Variants in CRYBG1 observed in about 807,000 individuals in gnomAD.
CRYBG1 encodes beta/gamma crystallin domain-containing protein 1.
A neutral mutation model predicts 189.2 loss-of-function variants in CRYBG1; 139 were observed. The ratio of observed to expected loss-of-function variants is 0.73; its 90% CI spans 0.64 to 0.85. The LOEUF (loss-of-function observed/expected upper bound fraction) is 0.85. Among genes scored for constraint, CRYBG1 ranks in the 40% least tolerant of loss-of-function variants. CRYBG1 has a pLI of 0.00. For synonymous variants in CRYBG1, 1,023 were observed against 1,017.1 expected (o/e 1.01, Z -0.11); for missense variants, 2,611 against 2,675.8 (o/e 0.98, Z 0.53).
intron 1 of CRYBG1, among the ~76,000 whole-genome samples, chr6:106,408,374 G>T (rs1275052960): frequency 2.0e-5 from 3 of 152,104 alleles, no homozygotes. Context: ...AATTGAGGCA[G>T]CAATTAATAG....
chr6:106,518,992 T>A (rs783413), intron 3 of CRYBG1, 139 bp from the exon 4 acceptor site: 1 of 636,990 alleles, frequency 1.6e-6, no homozygotes, highest in South Asian at 2.2e-5. Flanking sequence ...CACACACACA[T>A]ACACACACAC....
intron 2 of CRYBG1, among the ~76,000 whole-genome samples, chr6:106,508,913 T>C (rs1004876189): frequency 1.7e-5 from 1 of 60,224 alleles, no homozygotes; most frequent in African/African-American, 5.6e-5. Context: ...AAGCATCTAA[T>C]AGCCAAAAAA....
intron 1 of CRYBG1, among the ~76,000 whole-genome samples, chr6:106,450,271 A>ATC (rs1184744656): frequency 6.6e-6 from 1 of 151,768 alleles, no homozygotes; most frequent in Non-Finnish European, 1.5e-5. Context: ...GCCCATCTAT[A>ATC]TCTCCCTTGC....
intron 21 of CRYBG1, among the ~76,000 whole-genome samples, chr6:106,565,143 C>G (rs921754233): frequency 6.6e-6 from 1 of 151,936 alleles, no homozygotes; most frequent in African/African-American, 2.4e-5. Flanking sequence ...CATGGTGAAA[C>G]CCCGTCTCTA....
intron 16 of CRYBG1, 23 bp from the exon 17 acceptor site, chr6:106,555,745 G>T: frequency 6.2e-7 from 1 of 1,613,824 alleles, no homozygotes; most frequent in Non-Finnish European, 8.5e-7. Context: ...TTCTGTGCAT[G>T]TGTGTGGTTT....
At position 106,571,558 on chromosome 6, in the gene CRYBG1, G is replaced by GT. The variant is rs1384306560; in HGVS notation, c.*2993dup. 35 of 155,174 alleles carry GT rather than the reference G, an allele frequency of 2.3e-4. No individual in the cohort carries two copies. The highest frequency in any genetic ancestry group is 8.2e-4 in the African/African-American group (34 of 41,458). The allele number at this position is 155,174 out of a possible 1,614,324, so 9.6% of individuals were successfully genotyped here. A position where few individuals can be genotyped will look rare whatever the true frequency, so the allele number is the denominator to read the frequency against. On this transcript the variant is annotated 3_prime_UTR_variant, in exon 22 of 22. Coordinates refer to ENST00000633556, the MANE Select transcript of CRYBG1 (RefSeq NM_001371242.2). ...CTAAAAATACAAAAAAACTAGCTGGGTGTGGTGATGCATACCTGTAGTCCT... is the reference window on the plus strand; with the variant it reads ...CTAAAAATACAAAAAAACTAGCTGGGTTGTGGTGATGCATACCTGTAGTCCT...
intron 1 of CRYBG1, among the ~76,000 whole-genome samples, chr6:106,371,036 T>C (rs1021515218): frequency 6.6e-6 from 1 of 152,172 alleles, no homozygotes; most frequent in Non-Finnish European, 1.5e-5. Context: ...ATAACTCAAT[T>C]CATGATTTTT....
At chr6:106,560,093 G>GA (rs897497395) in intron 18 of CRYBG1, among the ~76,000 whole-genome samples, 17 of 151,520 alleles carry the variant, frequency 1.1e-4, no homozygotes, top group South Asian at 2.1e-4. Context: ...GACCTACCTG[G>GA]AAAAAAAAAT....
intron 1 of CRYBG1, among the ~76,000 whole-genome samples, chr6:106,430,745 G>T (rs1337115923): frequency 6.6e-6 from 1 of 152,066 alleles, no homozygotes; most frequent in Non-Finnish European, 1.5e-5. Flanking sequence ...TCTCCATGGG[G>T]CGTCTGTAGC....
At chr6:106,543,022 AATTTTATTTT>A (rs1477025393) in intron 10 of CRYBG1, among the ~76,000 whole-genome samples, 2 of 148,302 alleles carry the variant, frequency 1.3e-5, no homozygotes, top group South Asian at 4.2e-4. Context: ...AATTAAATTT[AATTTTATTTT>A]ATTTTATTTA....
Position 106,519,308 on chromosome 6 carries a change from C to A in CRYBG1, c.2100C>A (p.Gly700=). The part of the protein sequence containing the change: ...NSSPRHTDIR[G]QRNTPASSKT... Reference sequence around the variant, plus strand: ...GCCCAAGACACACTGACATTCGAGGCCAAAGGAATACTCCTGCCTCTAGTA... The same window carrying A: ...GCCCAAGACACACTGACATTCGAGGACAAAGGAATACTCCTGCCTCTAGTA... The change falls in exon 4 of 22, where the codon GGC becomes GGA. Residue 700 remains glycine, a synonymous_variant. Coordinates refer to ENST00000633556, the MANE Select transcript of CRYBG1 (RefSeq NM_001371242.2). 2 of 1,614,060 alleles carry A rather than the reference C, an allele frequency of 1.2e-6. No homozygotes were observed. Among genetic ancestry groups the A allele is most frequent in the Admixed American group, 1.7e-5 (1 of 60,002 alleles).
At chr6:106,494,487 G>A (rs1772798393) in intron 2 of CRYBG1, among the ~76,000 whole-genome samples, 1 of 152,148 alleles carries the variant, frequency 6.6e-6, no homozygotes, top group South Asian at 2.1e-4. Flanking sequence ...CTTAATATAT[G>A]TTTCTAGTAC....
chr6:106,455,393 G>A (rs1252597456), intron 2 of CRYBG1, among the ~76,000 whole-genome samples: 2 of 150,316 alleles, frequency 1.3e-5, no homozygotes, highest in Non-Finnish European at 3.0e-5. Context: ...TATATTTATT[G>A]CTTAACTCAT....
At chr6:106,363,617 C>T (rs1168874009) in intron 1 of CRYBG1, among the ~76,000 whole-genome samples, 1 of 152,114 alleles carries the variant, frequency 6.6e-6, no homozygotes, top group Non-Finnish European at 1.5e-5. Context: ...GTGCAGCACT[C>T]ACTGTGGTTT....
intron 4 of CRYBG1, 105 bp downstream of exon 4, chr6:106,521,558 T>A: frequency 7.9e-7 from 1 of 1,269,530 alleles, no homozygotes; most frequent in Non-Finnish European, 1.1e-6. Flanking sequence ...TAAGCTTATG[T>A]GCTATAGTTT....
intron 2 of CRYBG1, among the ~76,000 whole-genome samples, chr6:106,465,782 C>T (rs1772103363): frequency 1.3e-5 from 2 of 152,174 alleles, no homozygotes; most frequent in South Asian, 2.1e-4. Flanking sequence ...ACCCTGCCCT[C>T]TCAAATACAG....
In CRYBG1 at chr6:106,558,572, C is replaced by T. The variant is rs1774616719; in HGVS notation, c.5802C>T (p.Leu1934=). ...AACTTAATGCAGAAACTGTCAATCT[C>T]CGATCCCTGGGATTCAACACACAAA... ...KIELNAETVN[L]RSLGFNTQIR... The change falls in exon 18 of 22, where the codon CTC becomes CTT. Residue 1934 remains leucine, a synonymous_variant. Transcript: ENST00000633556. 3 of 1,613,642 alleles carry T rather than the reference C, an allele frequency of 1.9e-6. No homozygotes were observed. Among genetic ancestry groups the T allele is most frequent in the Non-Finnish European group, 2.5e-6 (3 of 1,179,712 alleles).
At chr6:106,370,339 G>A (rs1197757388) in intron 1 of CRYBG1, among the ~76,000 whole-genome samples, 1 of 152,194 alleles carries the variant, frequency 6.6e-6, no homozygotes, top group Non-Finnish European at 1.5e-5. Context: ...AGAATGCAAG[G>A]TCAGAGATAA....
intron 2 of CRYBG1, among the ~76,000 whole-genome samples, chr6:106,503,758 C>T (rs1307915302): frequency 6.6e-6 from 1 of 152,094 alleles, no homozygotes; most frequent in Non-Finnish European, 1.5e-5. Context: ...TTCACTTTGT[C>T]TCTGTCAAAG....
Sources: allele counts gnomAD v4.1 joint callset (sites outside exome capture counted in the v4.1 genomes callset), GRCh38; gene constraint gnomAD v4.1.1; transcripts MANE v1.5; gene names NCBI Gene and HGNC (gene_info 2026-07-23, HGNC 2026-07-21).